The following TMEM51 variants were observed in gnomAD, a reference collection of about 807,000 sequenced individuals.
TMEM51 encodes the protein transmembrane protein 51.
A neutral mutation model predicts 13.6 loss-of-function variants in TMEM51; 8 were observed. The ratio of observed to expected loss-of-function variants is 0.59; its 90% CI spans 0.35 to 1.07. The LOEUF is 1.07. Ranked by LOEUF, TMEM51 falls within the 50% of genes least tolerant of loss-of-function variation. TMEM51 has a pLI of 0.02. For synonymous variants in TMEM51, 147 were observed against 144.4 expected (o/e 1.02, Z -0.13); for missense variants, 279 against 330.7 (o/e 0.84, Z 1.21).
chr1:15,168,849 TAC>T lies in TMEM51; in HGVS notation c.-267+14897_-267+14898del, dbSNP rs1245267552. The T allele has an allele frequency of 5.7e-6, 7 of 1,228,520 alleles. No individual in the cohort carries two copies. The East Asian group carries it at 4.0e-4, about 70-fold the overall frequency. The allele number at this position is 1,228,520 out of a possible 1,614,324, so 76.1% of individuals were successfully genotyped here. A position where few individuals can be genotyped will look rare whatever the true frequency, so the allele number is the denominator to read the frequency against. On this transcript the variant is annotated intron_variant, in intron 1 of 3. Coordinates refer to ENST00000376008, the MANE Select transcript of TMEM51 (RefSeq NM_001136218.2). ...GCCATATCCGGCTCATGATAAAAGT[TAC>T]AGATATTTGGGGACTACCCTTATTA... is the stretch of plus-strand genomic sequence containing the variant.
chr1:15,191,507 G>T (rs1643920953), intron 1 of TMEM51, among the ~76,000 whole-genome samples: 2 of 152,246 alleles, frequency 1.3e-5, no homozygotes, highest in African/African-American at 2.4e-5. Context: ...GCCTCACCTG[G>T]CCCCCAGAGG....
At chr1:15,196,313 G>A (rs10927715) in intron 1 of TMEM51, among the ~76,000 whole-genome samples, 110,217 of 151,946 alleles carry the variant, frequency 0.73, 40,718 homozygotes, top group East Asian at 0.96. Context: ...TCAGTAGCTC[G>A]ATAGTGCTGT....
intron 1 of TMEM51, among the ~76,000 whole-genome samples, chr1:15,176,559 G>A (rs1002980601): frequency 6.6e-6 from 1 of 152,210 alleles, no homozygotes; most frequent in East Asian, 1.9e-4. Flanking sequence ...GTGGAGGGCT[G>A]CAGAGGCTGG....
At chr1:15,173,214 C>CTTT (rs3078132) in intron 1 of TMEM51, among the ~76,000 whole-genome samples, 5 of 96,992 alleles carry the variant, frequency 5.2e-5, no homozygotes, top group Non-Finnish European at 8.0e-5. Flanking sequence ...TGATCATATT[C>CTTT]TTTTTTTTTT....
chr1:15,202,611 T>C (rs7533078), intron 1 of TMEM51, among the ~76,000 whole-genome samples: 134,925 of 152,128 alleles, frequency 0.89, 59,916 homozygotes, highest in East Asian at 0.96. Context: ...CCTGCTTCCA[T>C]GATTCCATCT....
chr1:15,173,919 G>C (rs1195407112), intron 1 of TMEM51, among the ~76,000 whole-genome samples: 1 of 152,254 alleles, frequency 6.6e-6, no homozygotes, highest in Admixed American at 6.5e-5. Context: ...AAGCAAGTTG[G>C]AAGGTTTCAT....
intron 1 of TMEM51, among the ~76,000 whole-genome samples, chr1:15,173,972 G>A (rs1573393697): frequency 6.6e-6 from 1 of 152,234 alleles, no homozygotes; most frequent in Non-Finnish European, 1.5e-5. Context: ...TCCGGGGCCA[G>A]GCCATCTGAT....
chr1:15,198,089 T>C (rs1050318421), intron 1 of TMEM51, among the ~76,000 whole-genome samples: 4 of 152,184 alleles, frequency 2.6e-5, no homozygotes, highest in Non-Finnish European at 4.4e-5. Flanking sequence ...TCCTTCTATC[T>C]TGCTGCTCTG....
intron 3 of TMEM51, 124 bp from the exon 4 acceptor site, chr1:15,219,202 C>A: frequency 1.0e-6 from 1 of 986,482 alleles, no homozygotes; most frequent in South Asian, 1.9e-5. Flanking sequence ...ACTTTTATTG[C>A]CTCTAAGACC....
chr1:15,177,078 G>A (rs1231804714), intron 1 of TMEM51, among the ~76,000 whole-genome samples: 3 of 152,156 alleles, frequency 2.0e-5, no homozygotes, highest in African/African-American at 7.2e-5. Context: ...AGTGGGGATT[G>A]TGGCAAAGTG....
rs1412081499 is a variant in TMEM51 at position 15,153,753 on chromosome 1, C to T, written c.-468C>T. 2 of 152,166 alleles carry T rather than the reference C, an allele frequency of 1.3e-5. No individual in the cohort carries two copies. Among genetic ancestry groups the T allele is most frequent in the African/African-American group, 2.4e-5 (1 of 41,434 alleles). The allele number at this position is 152,166 out of a possible 1,614,324, so 9.4% of individuals were successfully genotyped here. On this transcript the variant is annotated 5_prime_UTR_variant, in exon 1 of 4. Coordinates refer to ENST00000376008, the MANE Select transcript of TMEM51 (RefSeq NM_001136218.2). ...CCCGCACGCCGGCGCTCCCAGGCCG[C>T]GCTTCCTGCGTCCCCAACCCGGTCC...
At chr1:15,164,459 A>G (rs1453004601) in intron 1 of TMEM51, 1 of 456,018 alleles carries the variant, frequency 2.2e-6, no homozygotes, top group African/African-American at 2.0e-5. Context: ...TTGGGAAAGA[A>G]TCCTACAAAG....
At chr1:15,201,934 T>G (rs772451259) in intron 1 of TMEM51, among the ~76,000 whole-genome samples, 4 of 152,352 alleles carry the variant, frequency 2.6e-5, no homozygotes, top group African/African-American at 7.2e-5. Context: ...GGGCTGGCTG[T>G]CTGCTTCACG....
chr1:15,202,200 C>T (rs1272103402), intron 1 of TMEM51, among the ~76,000 whole-genome samples: 1 of 152,176 alleles, frequency 6.6e-6, no homozygotes, highest in African/African-American at 2.4e-5. Flanking sequence ...CCAAGCCTCC[C>T]TCCAACCTGG....
intron 1 of TMEM51, chr1:15,192,367 A>G (rs1470725778): frequency 1.3e-5 from 5 of 399,438 alleles, no homozygotes; most frequent in Admixed American, 3.4e-5. Context: ...GAACCTGCAC[A>G]CTAGTATCAG....
chr1:15,165,052 C>T (rs1458105548), intron 1 of TMEM51, among the ~76,000 whole-genome samples: 2 of 152,084 alleles, frequency 1.3e-5, no homozygotes, highest in Admixed American at 6.6e-5. Context: ...CCGCCCACCT[C>T]GACCTCCCAA....
intron 1 of TMEM51, among the ~76,000 whole-genome samples, chr1:15,193,386 G>A (rs933609864): frequency 6.6e-6 from 1 of 152,066 alleles, no homozygotes; most frequent in African/African-American, 2.4e-5. Flanking sequence ...TCACAGGCTG[G>A]CACCTAACGT....
Position 15,219,355 on chromosome 1 carries a change from C to T in TMEM51, c.374C>T (p.Ala125Val), listed in dbSNP as rs1370262500. Residue 125 changes from alanine to valine, a missense_variant, in exon 4 of 4, where the codon GCT (alanine) becomes GTT (valine). Transcript: ENST00000376008. ...GAGGAAGAAGAGGAGGATGAGGAGGCTGCCTCAAGGTACTATGTTCCCAGC... is the reference window on the plus strand; with the variant it reads ...GAGGAAGAAGAGGAGGATGAGGAGGTTGCCTCAAGGTACTATGTTCCCAGC... ...SQEEEEEDEE[A>V]ASRYYVPSYE... The T allele has an allele frequency of 1.3e-6, 2 of 1,593,172 alleles. No individual in the cohort carries two copies. The highest frequency in any genetic ancestry group is 1.7e-6 in the Non-Finnish European group (2 of 1,166,490).
Position 15,207,533 on chromosome 1 carries a change from G to A in TMEM51, c.-266-2957G>A, listed in dbSNP as rs1337274887. On this transcript the variant is annotated intron_variant, in intron 1 of 3. Coordinates refer to ENST00000376008, the MANE Select transcript of TMEM51 (RefSeq NM_001136218.2). This position sits in a 1 kb window ranked among gnomAD's most constrained non-coding sequence, Gnocchi z 4.6. ...AGACTCAATCCAGATGTGCCTGGCT[G>A]TGATGGCCCCACTCAGGTCTCAGCC... Among the ~76,000 whole-genome samples the A allele has an allele frequency of 1.3e-5, 2 of 152,192 alleles. No individual in the cohort carries two copies. Among genetic ancestry groups the A allele is most frequent in the Non-Finnish European group, 2.9e-5 (2 of 68,036 alleles).
Sources: gnomAD v4.1 joint callset for allele counts (sites outside exome capture counted in the v4.1 genomes callset) on GRCh38, gnomAD v4.1.1 for gene constraint, Gnocchi (gnomAD v3.1) non-coding constraint, MANE v1.5 for transcripts, NCBI Gene and HGNC (gene_info 2026-07-23, HGNC 2026-07-21) for gene names.